The following MAN2A1 variants were observed in gnomAD, a reference collection of about 807,000 sequenced individuals.
MAN2A1 encodes alpha-mannosidase 2.
A neutral mutation model predicts 142.6 loss-of-function variants in MAN2A1; 76 were observed. The ratio of observed to expected loss-of-function variants is 0.53; its 90% CI spans 0.44 to 0.65. The LOEUF (loss-of-function observed/expected upper bound fraction) is 0.65, where lower values mean the gene tolerates loss of function less well. Among genes scored for constraint, MAN2A1 ranks in the 30% least tolerant of loss-of-function variants. The pLI is 0.00. For synonymous variants in MAN2A1, 559 were observed against 473.2 expected, an observed-to-expected ratio of 1.18 and a Z score of -2.35; for missense variants, 1,311 against 1,365.1, an observed-to-expected ratio of 0.96 and a Z score of 0.62.
chr5:109,856,853 C>T (rs963882478), intron 20 of MAN2A1, among the ~76,000 whole-genome samples: 1 of 152,104 alleles, frequency 6.6e-6, no homozygotes, highest in Non-Finnish European at 1.5e-5. Flanking sequence ...CTACCCACTA[C>T]ATGTCAGTTA....
At chr5:109,788,591 A>T (rs1230432176) in intron 10 of MAN2A1, among the ~76,000 whole-genome samples, 1 of 151,868 alleles carries the variant, frequency 6.6e-6, no homozygotes, top group Non-Finnish European at 1.5e-5. Flanking sequence ...TAAAGTAGCA[A>T]ATCATTGTTT....
chr5:109,754,972 G>A (rs1461968202), intron 4 of MAN2A1, among the ~76,000 whole-genome samples: 1 of 150,682 alleles, frequency 6.6e-6, no homozygotes, highest in African/African-American at 2.4e-5. Flanking sequence ...TTGCACTTCA[G>A]CCTGGGCAAC....
chr5:109,735,911 G>A (rs1281806908), intron 4 of MAN2A1, among the ~76,000 whole-genome samples: 1 of 109,278 alleles, frequency 9.2e-6, no homozygotes, highest in Non-Finnish European at 1.7e-5. Flanking sequence ...CCTCTTGATA[G>A]GAGGCTTAAA....
chr5:109,741,817 G>GT (rs1009145264), intron 4 of MAN2A1, among the ~76,000 whole-genome samples: 1 of 151,982 alleles, frequency 6.6e-6, no homozygotes, highest in Admixed American at 6.6e-5. Flanking sequence ...TATATTTTCT[G>GT]TTTTTTTGTG....
chr5:109,760,588 C>A (rs1338870175), intron 5 of MAN2A1, among the ~76,000 whole-genome samples: 1 of 152,098 alleles, frequency 6.6e-6, no homozygotes, highest in African/African-American at 2.4e-5. Context: ...GATTTATACT[C>A]CCACCAACAA....
At chr5:109,777,635 A>G (rs577783865) in intron 8 of MAN2A1, among the ~76,000 whole-genome samples, 14 of 152,070 alleles carry the variant, frequency 9.2e-5, no homozygotes, top group Admixed American at 9.2e-4. Flanking sequence ...TTTGTTTATC[A>G]TTTGGTTCTG....
intron 6 of MAN2A1, among the ~76,000 whole-genome samples, chr5:109,769,194 G>A (rs76157343): frequency 1.5e-3 from 229 of 152,262 alleles, no homozygotes; most frequent in African/African-American, 5.4e-3. Context: ...CAGTGTCACC[G>A]TTGTGAATAT....
intron 12 of MAN2A1, among the ~76,000 whole-genome samples, chr5:109,801,720 G>A (rs1281388943): frequency 2.0e-5 from 3 of 152,116 alleles, no homozygotes; most frequent in Non-Finnish European, 2.9e-5. Flanking sequence ...ATCAGTAATG[G>A]TTGTTAGAAA....
chr5:109,718,494 A>T (rs1751516025), intron 3 of MAN2A1, among the ~76,000 whole-genome samples: 1 of 152,210 alleles, frequency 6.6e-6, no homozygotes, highest in South Asian at 2.1e-4. Flanking sequence ...GGGCACCAGA[A>T]TACTTTCCTG....
chr5:109,836,442 G>A (rs899473921), intron 16 of MAN2A1, among the ~76,000 whole-genome samples: 4 of 152,118 alleles, frequency 2.6e-5, no homozygotes, highest in African/African-American at 7.2e-5. Flanking sequence ...CTCCCCACAC[G>A]AGGGAGCACG....
At chr5:109,740,240 A>C (rs1366669540) in intron 4 of MAN2A1, among the ~76,000 whole-genome samples, 2 of 152,198 alleles carry the variant, frequency 1.3e-5, no homozygotes, top group African/African-American at 4.8e-5. Flanking sequence ...AGGGATCAGC[A>C]GTTGGGGAAG....
At chr5:109,866,783 G>A (rs1755894313) in intron 21 of MAN2A1, 63 bp from the exon 22 acceptor site, 1 of 1,065,564 alleles carries the variant, frequency 9.4e-7, no homozygotes. Context: ...CACAGAATAT[G>A]TAGTTGTGCT....
At chr5:109,758,843 GA>G (rs1329013363) in intron 5 of MAN2A1, among the ~76,000 whole-genome samples, 3 of 151,510 alleles carry the variant, frequency 2.0e-5, no homozygotes, top group Non-Finnish European at 2.9e-5. Flanking sequence ...CCACTTATTG[GA>G]AAAGATGATT....
chr5:109,746,468 G>A (rs1046897699), intron 4 of MAN2A1, among the ~76,000 whole-genome samples: 1 of 151,924 alleles, frequency 6.6e-6, no homozygotes. Context: ...ACTATGACCA[G>A]GCTCTTATTT....
At chr5:109,691,428 G>C (rs923671692) in intron 1 of MAN2A1, among the ~76,000 whole-genome samples, 3 of 152,210 alleles carry the variant, frequency 2.0e-5, no homozygotes, top group African/African-American at 7.2e-5. Context: ...GTAGTGTGTA[G>C]TGTGCTCTGT....
Position 109,865,198 on chromosome 5 carries a change from T to C in MAN2A1, c.3282+52T>C, listed in dbSNP as rs749116528. The C allele has an allele frequency of 9.5e-6, 12 of 1,257,674 alleles. No homozygotes were observed. The South Asian group carries it at 1.5e-4, about 15-fold the overall frequency. 77.9% of individuals were successfully genotyped at this position (1,257,674 alleles called of 1,614,324 possible). A position where few individuals can be genotyped will look rare whatever the true frequency, so the allele number is the denominator to read the frequency against. ...ACTGTTAGTGTGCTTTGAAATCCTCTTTCTGCAAAGGATCTTGACAATAAG... is the reference window on the plus strand; with the variant it reads ...ACTGTTAGTGTGCTTTGAAATCCTCCTTCTGCAAAGGATCTTGACAATAAG... On this transcript the variant is annotated intron_variant, in intron 21 of 21. Transcript: ENST00000261483.
rs572154089 is a variant in MAN2A1, at chr5:109,735,905, T to C, written c.707+6392T>C. ...TTTTTTTTTTTTTTTTTTTTCCCTC[T>C]TGATAGGAGGCTTAAAATGCTTACA... On this transcript the variant is annotated intron_variant, in intron 4 of 21. Transcript: ENST00000261483. Among the ~76,000 whole-genome samples, 8 of 137,492 alleles carry C rather than the reference T, an allele frequency of 5.8e-5. No individual in the cohort carries two copies. In the South Asian group the frequency reaches 1.9e-3, roughly 33 times the overall value. The allele number at this position is 137,492 out of a possible 152,430, so 90.2% of individuals were successfully genotyped here. A position where few individuals can be genotyped will look rare whatever the true frequency, so the allele number is the denominator to read the frequency against.
intron 1 of MAN2A1, among the ~76,000 whole-genome samples, chr5:109,702,938 T>C (rs1302693617): frequency 6.6e-6 from 1 of 152,070 alleles, no homozygotes; most frequent in Non-Finnish European, 1.5e-5. Flanking sequence ...GTATAAAGAG[T>C]AGTTTGGAAA....
chr5:109,738,062 A>C (rs1217895359), intron 4 of MAN2A1, among the ~76,000 whole-genome samples: 1 of 152,110 alleles, frequency 6.6e-6, no homozygotes, highest in East Asian at 1.9e-4. Flanking sequence ...ACCTTCATCT[A>C]ATGTTTCTTG....
Sources: allele counts gnomAD v4.1 joint callset (sites outside exome capture counted in the v4.1 genomes callset), GRCh38; gene constraint gnomAD v4.1.1; transcripts MANE v1.5; gene names NCBI Gene and HGNC (gene_info 2026-07-23, HGNC 2026-07-21).